The following KIAA1217 variants were observed in gnomAD, a reference collection of about 807,000 sequenced individuals.
The protein encoded by KIAA1217 is KIAA1217.
In KIAA1217, 88 loss-of-function variants were observed where a neutral mutation model predicts 163.9. That is an observed-to-expected ratio of 0.54 (90% CI 0.45 to 0.64). The LOEUF is 0.64. Ranked by LOEUF, KIAA1217 falls within the 30% of genes least tolerant of loss-of-function variation. The probability of loss-of-function intolerance (pLI) is 0.00; values close to 1 mark genes in which losing one functional copy is unlikely to be tolerated. For synonymous variants in KIAA1217, 903 were observed against 923.1 expected (o/e 0.98, Z 0.39); for missense variants, 2,372 against 2,475.0 (o/e 0.96, Z 0.88).
chr10:24,453,014 G>T (rs1203575216), intron 5 of KIAA1217, among the ~76,000 whole-genome samples: 1 of 152,190 alleles, frequency 6.6e-6, no homozygotes, highest in Non-Finnish European at 1.5e-5. Context: ...GAAGGTCTTA[G>T]ACATCATCTT....
chr10:24,420,592 A>G (rs549439713), intron 3 of KIAA1217, among the ~76,000 whole-genome samples: 12 of 152,244 alleles, frequency 7.9e-5, no homozygotes, highest in Admixed American at 2.6e-4. Context: ...CTGTACCAAT[A>G]CACTGGGAGA....
At chr10:24,495,762 G>C (rs1277147109) in intron 8 of KIAA1217, among the ~76,000 whole-genome samples, 1 of 152,188 alleles carries the variant, frequency 6.6e-6, no homozygotes, top group East Asian at 1.9e-4. Flanking sequence ...GGATGAGAAG[G>C]GACAGTAGCC....
rs552038419 is a variant in KIAA1217, at chr10:24,405,404, T to C, written c.553+24337T>C. Among the ~76,000 whole-genome samples the C allele has an allele frequency of 4.5e-4, 69 of 152,282 alleles. No homozygotes were observed. The South Asian group carries it at 5.4e-3, about 12-fold the overall frequency. ...GTGAGAAAATAAATTAGTAAACATG[T>C]TTTTGGAAAACCTAAATGAGCATAA... is the stretch of plus-strand genomic sequence containing the variant. On this transcript the variant is annotated intron_variant, in intron 3 of 20. Coordinates refer to ENST00000376454, the MANE Select transcript of KIAA1217 (RefSeq NM_019590.5).
At chr10:23,719,841 G>A (rs1002847997) in intron 1 of KIAA1217, among the ~76,000 whole-genome samples, 1 of 151,946 alleles carries the variant, frequency 6.6e-6, no homozygotes, top group African/African-American at 2.4e-5. Flanking sequence ...TTGAACCTGG[G>A]AGGTGGAGGT....
At chr10:24,449,534 A>G (rs1275823700) in intron 5 of KIAA1217, 12 of 985,258 alleles carry the variant, frequency 1.2e-5, no homozygotes, top group Non-Finnish European at 1.4e-5. Context: ...ACTTTCATAG[A>G]GTAGAAACAA....
At chr10:23,813,607 T>A (rs1837177243) in intron 1 of KIAA1217, among the ~76,000 whole-genome samples, 1 of 152,190 alleles carries the variant, frequency 6.6e-6, no homozygotes, top group African/African-American at 2.4e-5. Flanking sequence ...TGTACCATAA[T>A]GTATTTAATT....
chr10:23,919,531 G>A (rs150350392), intron 1 of KIAA1217, among the ~76,000 whole-genome samples: 2,928 of 148,738 alleles, frequency 0.02, 61 homozygotes, highest in Admixed American at 0.065. Flanking sequence ...GCTTGAGCCC[G>A]TGAGGCAGAG....
At chr10:24,337,478 T>C (rs1053751045) in intron 2 of KIAA1217, among the ~76,000 whole-genome samples, 4 of 152,216 alleles carry the variant, frequency 2.6e-5, no homozygotes, top group African/African-American at 4.8e-5. Context: ...TGGCTTATAT[T>C]GGGTTGGTCT....
At chr10:24,457,470 C>T (rs551662243) in intron 5 of KIAA1217, among the ~76,000 whole-genome samples, 1 of 152,154 alleles carries the variant, frequency 6.6e-6, no homozygotes, top group Non-Finnish European at 1.5e-5. Flanking sequence ...ATAATCATAG[C>T]TCACTGCAGC....
At chr10:23,896,825 A>G (rs1841727701) in intron 1 of KIAA1217, among the ~76,000 whole-genome samples, 1 of 152,040 alleles carries the variant, frequency 6.6e-6, no homozygotes, top group African/African-American at 2.4e-5. Flanking sequence ...TCTTTTTTAC[A>G]AAGTTGAGGC....
At chr10:24,213,579 T>C (rs2068436008) in intron 1 of KIAA1217, among the ~76,000 whole-genome samples, 1 of 136,810 alleles carries the variant, frequency 7.3e-6, no homozygotes, top group African/African-American at 2.8e-5. Context: ...GTTGGCCTAT[T>C]TCAAATGTGG....
intron 2 of KIAA1217, among the ~76,000 whole-genome samples, chr10:24,018,503 A>T (rs988653848): frequency 3.3e-5 from 5 of 151,976 alleles, no homozygotes; most frequent in Admixed American, 6.6e-5. Flanking sequence ...GCACATGTAT[A>T]CATATGTAAC....
intron 2 of KIAA1217, among the ~76,000 whole-genome samples, chr10:24,058,607 CTCT>C (rs148409000): frequency 0.025 from 3,755 of 152,090 alleles, 151 homozygotes; most frequent in African/African-American, 0.087. Context: ...AATCCTTCAC[CTCT>C]TAAGTTTATT....
chr10:24,392,530 G>A (rs910261553), intron 3 of KIAA1217, among the ~76,000 whole-genome samples: 40 of 152,144 alleles, frequency 2.6e-4, no homozygotes, highest in African/African-American at 9.4e-4. Context: ...TTGGTCCTTG[G>A]CTATTAGTTG....
At chr10:23,818,008 T>TATATATATATATAC (rs1415893173) in intron 1 of KIAA1217, among the ~76,000 whole-genome samples, 1 of 87,264 alleles carries the variant, frequency 1.1e-5, no homozygotes, top group Non-Finnish European at 2.1e-5. Flanking sequence ...TATATATATA[T>TATATATATATATAC]ACACACATAT....
At chr10:24,478,775 A>G (rs560861973) in intron 6 of KIAA1217, among the ~76,000 whole-genome samples, 33 of 152,326 alleles carry the variant, frequency 2.2e-4, no homozygotes, top group Admixed American at 8.5e-4. Flanking sequence ...CACATAAAAC[A>G]GCCCTTAAGA....
intron 3 of KIAA1217, among the ~76,000 whole-genome samples, chr10:24,421,870 A>G (rs2058758213): frequency 6.6e-6 from 1 of 152,306 alleles, no homozygotes; most frequent in African/African-American, 2.4e-5. Context: ...TGCTTTACTA[A>G]TATTTTATTT....
At chr10:23,733,277 T>C (rs1437365294) in intron 1 of KIAA1217, among the ~76,000 whole-genome samples, 1 of 152,172 alleles carries the variant, frequency 6.6e-6, no homozygotes, top group Non-Finnish European at 1.5e-5. Flanking sequence ...CCTTCCAAAG[T>C]GCTGGGATTA....
chr10:23,769,136 G>A (rs570904193), intron 1 of KIAA1217, among the ~76,000 whole-genome samples: 2 of 152,328 alleles, frequency 1.3e-5, no homozygotes, highest in Middle Eastern at 3.4e-3. Flanking sequence ...AGCATTCTGG[G>A]ATTAGCATTT....
Sources: gnomAD v4.1 joint callset for allele counts (sites outside exome capture counted in the v4.1 genomes callset) on GRCh38, gnomAD v4.1.1 for gene constraint, MANE v1.5 for transcripts, NCBI Gene and HGNC (gene_info 2026-07-23, HGNC 2026-07-21) for gene names.